The following LRP1B variants were observed in gnomAD, a reference collection of about 807,000 sequenced individuals.
The protein encoded by LRP1B is LDL receptor related protein 1B.
Under a neutral mutation model 556.6 loss-of-function variants are expected in LRP1B, and 217 were observed. The observed-to-expected ratio is 0.39, with a 90% CI of 0.35 to 0.44. The LOEUF (loss-of-function observed/expected upper bound fraction) is 0.44. Ranked by LOEUF, LRP1B falls within the 20% of genes least tolerant of loss-of-function variation. The pLI is 1.00. For missense variants in LRP1B, 5,053 were observed against 5,620.8 expected (o/e 0.90, Z 3.23); for synonymous variants, 2,047 against 1,865.8 (o/e 1.10, Z -2.50).
intron 41 of LRP1B, among the ~76,000 whole-genome samples, chr2:140,672,991 A>T (rs2105362449): frequency 6.6e-6 from 1 of 152,340 alleles, no homozygotes; most frequent in South Asian, 2.1e-4. Flanking sequence ...ACTAACAAAA[A>T]GTTGTCCAAC....
At chr2:141,736,166 A>G (rs1250395087) in intron 2 of LRP1B, among the ~76,000 whole-genome samples, 1 of 152,044 alleles carries the variant, frequency 6.6e-6, no homozygotes, top group Non-Finnish European at 1.5e-5. Context: ...ATTGGTGTGG[A>G]TTTCTCAGGC....
chr2:140,796,043 T>A (rs956458426), intron 32 of LRP1B, among the ~76,000 whole-genome samples: 2 of 145,000 alleles, frequency 1.4e-5, no homozygotes, highest in Non-Finnish European at 3.1e-5. Flanking sequence ...AACAATTATG[T>A]CCCTGCTCTA....
intron 1 of LRP1B, among the ~76,000 whole-genome samples, chr2:141,878,658 T>C (rs1698851652): frequency 6.6e-6 from 1 of 152,014 alleles, no homozygotes; most frequent in African/African-American, 2.4e-5. Context: ...ATGTGTATAT[T>C]AACTTTCCTA....
At chr2:140,315,752 GCACACACATA>G (rs936217676) in intron 82 of LRP1B, among the ~76,000 whole-genome samples, 1 of 152,128 alleles carries the variant, frequency 6.6e-6, no homozygotes. Context: ...TATAGCATAT[GCACACACATA>G]CACACACTAT....
chr2:141,681,168 C>A (rs1335126398), intron 2 of LRP1B, among the ~76,000 whole-genome samples: 4 of 151,908 alleles, frequency 2.6e-5, no homozygotes, highest in African/African-American at 9.7e-5. Flanking sequence ...TGGCATTCGC[C>A]TATAGTCCCA....
At chr2:140,367,717 C>A (rs1170883856) in intron 71 of LRP1B, among the ~76,000 whole-genome samples, 1 of 151,702 alleles carries the variant, frequency 6.6e-6, no homozygotes, top group Admixed American at 6.6e-5. Context: ...TGCCTTAACT[C>A]AAAATCAAAT....
intron 32 of LRP1B, among the ~76,000 whole-genome samples, chr2:140,782,145 A>G (rs958854170): frequency 6.6e-6 from 1 of 152,196 alleles, no homozygotes; most frequent in Non-Finnish European, 1.5e-5. Context: ...CTTAAGCTGT[A>G]CGTAAGCAGG....
At chr2:140,457,988 G>T (rs1687171625) in intron 60 of LRP1B, among the ~76,000 whole-genome samples, 1 of 151,632 alleles carries the variant, frequency 6.6e-6, no homozygotes, top group African/African-American at 2.4e-5. Context: ...GTGTATGTGT[G>T]TATATACATA....
At position 141,542,263 on chromosome 2, in the gene LRP1B, T is replaced by A. The variant is rs960645619; in HGVS notation, c.206-61730A>T. 1.7e-4 allele frequency among the ~76,000 whole-genome samples: 26 copies of A among 152,094 alleles called. 1 individual carries two copies. The Middle Eastern group carries it at 0.01, about 60-fold the overall frequency. On this transcript the variant is annotated intron_variant, in intron 2 of 90. Coordinates refer to ENST00000389484, the MANE Select transcript of LRP1B (RefSeq NM_018557.3). ...AATACCAGCTTTCTAACTTTATTTT[T>A]AAGATTAAATAAAGTAATTTAACTA... is the stretch of plus-strand genomic sequence containing the variant.
Position 140,358,960 on chromosome 2 carries a change from A to C in LRP1B, c.11132-14T>G. 6.2e-7 allele frequency: 1 copy of C among 1,603,752 alleles called. No homozygotes were observed. The highest frequency in any genetic ancestry group is 8.5e-7 in the Non-Finnish European group (1 of 1,173,540). ...AAAGAAATTTGACTGAAGAAAAAGA[A>C]GAAAAAACAAAGAAGCTCCTTCGAG... On this transcript the variant is annotated splice_polypyrimidine_tract_variant and intron_variant, in intron 72 of 90. Coordinates refer to ENST00000389484, the MANE Select transcript of LRP1B (RefSeq NM_018557.3).
intron 2 of LRP1B, among the ~76,000 whole-genome samples, chr2:141,759,490 AG>A (rs1436499278): frequency 1.3e-5 from 2 of 152,184 alleles, no homozygotes; most frequent in Non-Finnish European, 2.9e-5. Context: ...GCATTTTTAA[AG>A]AAATGATTAA....
chr2:141,373,200 G>A (rs1332779528), intron 3 of LRP1B, among the ~76,000 whole-genome samples: 2 of 151,982 alleles, frequency 1.3e-5, no homozygotes, highest in African/African-American at 2.4e-5. Context: ...CTGTGGTCTG[G>A]AAGGTGAAAT....
intron 51 of LRP1B, among the ~76,000 whole-genome samples, chr2:140,514,235 A>G (rs1257693708): frequency 3.3e-5 from 5 of 151,968 alleles, no homozygotes; most frequent in Admixed American, 3.3e-4. Context: ...AAAACAACAC[A>G]CACATATGCA....
chr2:140,654,878 A>C (rs541648754), intron 41 of LRP1B, among the ~76,000 whole-genome samples: 2 of 152,352 alleles, frequency 1.3e-5, no homozygotes, highest in Admixed American at 6.5e-5. Context: ...TTGTCATGTG[A>C]AATACTGCTG....
intron 1 of LRP1B, among the ~76,000 whole-genome samples, chr2:142,030,036 G>GA (rs11362272): frequency 0.058 from 8,463 of 146,718 alleles, 335 homozygotes; most frequent in East Asian, 0.2. Flanking sequence ...TCCTTTTTAG[G>GA]AAAAAAAAAA....
chr2:141,392,404 C>A (rs1161870882), intron 3 of LRP1B, among the ~76,000 whole-genome samples: 1 of 147,020 alleles, frequency 6.8e-6, no homozygotes, highest in Non-Finnish European at 1.5e-5. Flanking sequence ...AACAAATCAT[C>A]CTGCCTAACT....
intron 18 of LRP1B, among the ~76,000 whole-genome samples, chr2:140,964,427 G>T (rs1272389223): frequency 6.6e-6 from 1 of 152,068 alleles, no homozygotes; most frequent in East Asian, 1.9e-4. Flanking sequence ...CCCCTTTCCC[G>T]GTCTGCTAAG....
intron 27 of LRP1B, among the ~76,000 whole-genome samples, chr2:140,862,181 T>C (rs901229192): frequency 2.6e-5 from 4 of 152,186 alleles, no homozygotes; most frequent in Non-Finnish European, 5.9e-5. Flanking sequence ...AAGTTTAATT[T>C]TTCAGATAAT....
chr2:140,675,213 T>C (rs539464616), intron 41 of LRP1B, among the ~76,000 whole-genome samples: 6 of 152,366 alleles, frequency 3.9e-5, no homozygotes, highest in African/African-American at 1.4e-4. Flanking sequence ...GACTTGATCA[T>C]ATCTACAAAT....
Sources: gnomAD v4.1 joint callset for allele counts (sites outside exome capture counted in the v4.1 genomes callset) on GRCh38, gnomAD v4.1.1 for gene constraint, MANE v1.5 for transcripts, NCBI Gene and HGNC (gene_info 2026-07-23, HGNC 2026-07-21) for gene names.